C6orf58: variants seen among roughly 807,000 people sequenced by gnomAD.
C6orf58 encodes the protein chromosome 6 open reading frame 58.
C6orf58 carries 30 observed loss-of-function variants against 37.0 expected under a neutral mutation model. The ratio of observed to expected loss-of-function variants is 0.81; its 90% CI spans 0.61 to 1.10. The LOEUF is 1.10. Ranked by LOEUF, C6orf58 falls within the 50% of genes least tolerant of loss-of-function variation. The pLI is 0.00. For missense variants in C6orf58, 368 were observed against 387.5 expected, an observed-to-expected ratio of 0.95 and a Z score of 0.42; for synonymous variants, 143 against 134.1, an observed-to-expected ratio of 1.07 and a Z score of -0.46.
intron 2 of C6orf58, among the ~76,000 whole-genome samples, chr6:127,579,350 G>A (rs1328448083): frequency 6.6e-6 from 1 of 152,054 alleles, no homozygotes; most frequent in Non-Finnish European, 1.5e-5. Flanking sequence ...TTTCTCAATA[G>A]TTAGAAACAC....
At chr6:127,579,288 AATTTT>A (rs2114289788) in intron 2 of C6orf58, among the ~76,000 whole-genome samples, 1 of 152,218 alleles carries the variant, frequency 6.6e-6, no homozygotes, top group South Asian at 2.1e-4. Flanking sequence ...TCTTTCATTT[AATTTT>A]ATGCTTTAGT....
chr6:127,577,552 G>A, intron 1 of C6orf58, 66 bp downstream of exon 1: 3 of 1,402,130 alleles, frequency 2.1e-6, no homozygotes, highest in Admixed American at 1.8e-5. Context: ...TTGGGAAATT[G>A]GACTCTGTAT....
chr6:127,588,012 G>A (rs1433189779), intron 4 of C6orf58, among the ~76,000 whole-genome samples: 1 of 152,176 alleles, frequency 6.6e-6, no homozygotes, highest in Non-Finnish European at 1.5e-5. Context: ...AAACCTCAGT[G>A]TTGTACAACT....
intron 4 of C6orf58, among the ~76,000 whole-genome samples, chr6:127,583,958 C>T (rs1301406288): frequency 6.6e-6 from 1 of 152,124 alleles, no homozygotes; most frequent in Non-Finnish European, 1.5e-5. Context: ...TGATTGCTGT[C>T]AATCAGTAGG....
At chr6:127,585,107 A>G (rs1435942593) in intron 4 of C6orf58, among the ~76,000 whole-genome samples, 5 of 152,206 alleles carry the variant, frequency 3.3e-5, no homozygotes, top group Non-Finnish European at 7.3e-5. Context: ...TGGAACATAT[A>G]TTAATAACAC....
In C6orf58 at chr6:127,578,736, G is replaced by A. The variant is rs776688108; in HGVS notation, c.352G>A (p.Asp118Asn). The A allele has an allele frequency of 3.1e-6, 5 of 1,612,914 alleles. No homozygotes were observed. The highest frequency in any genetic ancestry group is 4.2e-6 in the Non-Finnish European group (5 of 1,179,128). Residue 118 changes from aspartate to asparagine, a missense_variant, in exon 2 of 6, where the codon GAT (aspartate) becomes AAT (asparagine). Asp to Asn is a conservative substitution (Grantham distance 23). Coordinates refer to ENST00000329722, the MANE Select transcript of C6orf58 (RefSeq NM_001010905.3). ...GACAAACTGTGGCTATGAATCTGGA[G>A]ATCATATGTGCATCTCTGTGGACAG... Reference protein sequence around the residue: ...RRTNCGYESGDHMCISVDSWW... With the variant: ...RRTNCGYESGNHMCISVDSWW...
chr6:127,579,345 C>A (rs192424791), intron 2 of C6orf58, among the ~76,000 whole-genome samples: 39 of 152,144 alleles, frequency 2.6e-4, no homozygotes, highest in African/African-American at 8.2e-4. Flanking sequence ...AGGTATTTCT[C>A]AATAGTTAGA....
In C6orf58 at chr6:127,579,905, C is replaced by T. The variant is rs933805033; in HGVS notation, c.389-360C>T. ...ATACAAGTACAATTCACAATAAAAC[C>T]GTAATGAGAGGTTTTGTACCATTTT... On this transcript the variant is annotated intron_variant, in intron 2 of 5. Coordinates refer to ENST00000329722, the MANE Select transcript of C6orf58 (RefSeq NM_001010905.3). Among the ~76,000 whole-genome samples, 7 of 151,792 alleles carry T rather than the reference C, an allele frequency of 4.6e-5. No individual in the cohort carries two copies. The South Asian group carries it at 1.0e-3, about 23-fold the overall frequency.
intron 5 of C6orf58, 121 bp downstream of exon 5, chr6:127,590,446 G>A: frequency 3.0e-6 from 2 of 667,826 alleles, no homozygotes; most frequent in Non-Finnish European, 2.6e-6. Flanking sequence ...ATTTCCCTGT[G>A]GGTATCCATT....
intron 4 of C6orf58, among the ~76,000 whole-genome samples, chr6:127,587,865 C>A (rs990007930): frequency 3.9e-5 from 6 of 152,118 alleles, no homozygotes; most frequent in African/African-American, 1.4e-4. Context: ...ATCACCATGA[C>A]AAAAAGCAGT....
At chr6:127,579,804 A>T (rs750964527) in intron 2 of C6orf58, among the ~76,000 whole-genome samples, 6 of 152,104 alleles carry the variant, frequency 3.9e-5, no homozygotes, top group Non-Finnish European at 7.4e-5. Context: ...CATGATTACA[A>T]ATTAAACTTA....
chr6:127,590,841 C>G (rs1020884777), intron 5 of C6orf58, among the ~76,000 whole-genome samples: 2 of 151,978 alleles, frequency 1.3e-5, no homozygotes, highest in African/African-American at 4.8e-5. Context: ...GTAAAAAAAA[C>G]AGAGGGTTCT....
intron 4 of C6orf58, among the ~76,000 whole-genome samples, chr6:127,587,359 A>C (rs1440689036): frequency 6.6e-6 from 1 of 152,224 alleles, no homozygotes; most frequent in East Asian, 1.9e-4. Context: ...TAGGTGCACT[A>C]TTAAGAAAGC....
intron 2 of C6orf58, among the ~76,000 whole-genome samples, chr6:127,579,233 T>C (rs1775022672): frequency 6.6e-6 from 1 of 152,156 alleles, no homozygotes; most frequent in South Asian, 2.1e-4. Flanking sequence ...TCTCAGGCTT[T>C]AATCATATAC....
intron 4 of C6orf58, among the ~76,000 whole-genome samples, chr6:127,586,140 GA>G (rs1775103980): frequency 6.6e-6 from 1 of 152,088 alleles, no homozygotes; most frequent in Non-Finnish European, 1.5e-5. Context: ...ATAAATCTAT[GA>G]ATTATACTTT....
intron 4 of C6orf58, among the ~76,000 whole-genome samples, chr6:127,588,914 C>T (rs933776135): frequency 2.6e-5 from 4 of 151,984 alleles, no homozygotes; most frequent in African/African-American, 9.7e-5. Context: ...GCATTGAATC[C>T]CGACCAAACA....
intron 4 of C6orf58, among the ~76,000 whole-genome samples, chr6:127,589,797 T>G (rs1288811689): frequency 6.6e-6 from 1 of 152,174 alleles, no homozygotes; most frequent in African/African-American, 2.4e-5. Flanking sequence ...AATGCCTTAC[T>G]TTTGGTTATT....
At chr6:127,590,455 T>C (rs1775150460) in intron 5 of C6orf58, 130 bp downstream of exon 5, 2 of 642,428 alleles carry the variant, frequency 3.1e-6, no homozygotes, top group Admixed American at 2.8e-5. Flanking sequence ...TGGGTATCCA[T>C]TCTATTTCTT....
intron 5 of C6orf58, among the ~76,000 whole-genome samples, chr6:127,590,556 T>C (rs1775151330): frequency 6.6e-6 from 1 of 152,162 alleles, no homozygotes. Context: ...CTGGAGACCA[T>C]GTTGAAACTT....
Sources: allele counts gnomAD v4.1 joint callset (sites outside exome capture counted in the v4.1 genomes callset), GRCh38; gene constraint gnomAD v4.1.1; transcripts MANE v1.5; gene names NCBI Gene and HGNC (gene_info 2026-07-23, HGNC 2026-07-21).